The following COLEC10 variants were observed in gnomAD, a reference collection of about 807,000 sequenced individuals.
COLEC10 encodes collectin subfamily member 10, also known as collectin-10.
COLEC10 carries 22 observed loss-of-function variants against 28.4 expected under a neutral mutation model. The ratio of observed to expected loss-of-function variants is 0.78; its 90% CI spans 0.55 to 1.11. COLEC10 has a LOEUF of 1.11. Ranked by LOEUF, COLEC10 falls within the 50% of genes least tolerant of loss-of-function variation. The pLI is 0.00. For synonymous variants in COLEC10, 125 were observed against 116.1 expected (o/e 1.08, Z -0.49); for missense variants, 361 against 344.1 (o/e 1.05, Z -0.39).
intron 1 of COLEC10, among the ~76,000 whole-genome samples, chr8:119,074,176 T>TTAATGGGTACAAAAA (rs1815180432): frequency 6.6e-6 from 1 of 151,902 alleles, no homozygotes; most frequent in Non-Finnish European, 1.5e-5. Flanking sequence ...CTAGAGACAA[T>TTAATGGGTACAAAAA]TAATGGGTAC....
chr8:119,014,753 G>T (rs565855838), intron 2 of COLEC10, among the ~76,000 whole-genome samples: 1 of 150,746 alleles, frequency 6.6e-6, no homozygotes, highest in African/African-American at 2.5e-5. Flanking sequence ...GTTTTTGTTT[G>T]CTTCTTTTTT....
At chr8:118,995,279 C>G (rs892226853), upstream of COLEC10, among the ~76,000 whole-genome samples, 2 of 152,272 alleles carry the variant, frequency 1.3e-5, no homozygotes, top group African/African-American at 4.8e-5. Flanking sequence ...GTTTAGTGGT[C>G]TTTACCAAAA....
At chr8:118,989,534 TACACACACACACACACACACACACAC>T in the COLEC10 span, among the ~76,000 whole-genome samples, 65 of 128,724 alleles carry the variant, frequency 5.0e-4, 2 homozygotes, top group South Asian at 0.015. Context: ...ACAGACAAAA[TACACACACACACACACACACACACAC>T]ACACACACAC....
the COLEC10 span, among the ~76,000 whole-genome samples, chr8:118,972,174 G>A: frequency 6.6e-6 from 1 of 151,904 alleles, no homozygotes; most frequent in Non-Finnish European, 1.5e-5. Context: ...AAAAAGTTAT[G>A]TTGGGCTTGT....
chr8:119,023,863 C>G (rs1371531361), intron 2 of COLEC10, among the ~76,000 whole-genome samples: 1 of 151,942 alleles, frequency 6.6e-6, no homozygotes, highest in African/African-American at 2.4e-5. Context: ...TTTAATGGTG[C>G]AAAAGCACGT....
At chr8:119,020,052 G>A (rs566078322) in intron 2 of COLEC10, among the ~76,000 whole-genome samples, 2 of 152,288 alleles carry the variant, frequency 1.3e-5, no homozygotes, top group African/African-American at 4.8e-5. Flanking sequence ...TGATTTCCCT[G>A]AGCAGGCAGT....
At position 119,105,895 on chromosome 8, in the gene COLEC10, G is replaced by T; in HGVS notation, c.538G>T (p.Gly180Cys). 1 of 1,613,800 alleles carries T rather than the reference G, an allele frequency of 6.2e-7. No individual in the cohort carries two copies. Among genetic ancestry groups the T allele is most frequent in the Non-Finnish European group, 8.5e-7 (1 of 1,179,894 alleles). ...RESLTHCRIR[G>C]GMLAMPKDEA... ...ATCCCTAACCCACTGCAGGATTCGGGGTGGAATGCTAGCCATGCCCAAGGA... is the reference window on the plus strand; with the variant it reads ...ATCCCTAACCCACTGCAGGATTCGGTGTGGAATGCTAGCCATGCCCAAGGA... The change falls in exon 6 of 6, where the codon GGT (glycine) becomes TGT (cysteine). Residue 180 changes from glycine to cysteine, a missense_variant. Physicochemically the swap from Gly to Cys is radical, Grantham distance 159. This residue lies in a region of COLEC10 where 335 missense variants were observed against 308.5 expected (regional missense o/e 1.09). Coordinates refer to ENST00000332843, the MANE Select transcript of COLEC10 (RefSeq NM_006438.5).
intron 2 of COLEC10, among the ~76,000 whole-genome samples, chr8:119,053,101 G>A (rs1017576881): frequency 3.3e-5 from 5 of 152,112 alleles, no homozygotes; most frequent in African/African-American, 1.2e-4. Context: ...TTGATTTGAT[G>A]TGCTCTACAA....
the COLEC10 span, among the ~76,000 whole-genome samples, chr8:118,978,013 T>C: frequency 1.3e-5 from 2 of 151,960 alleles, no homozygotes; most frequent in Admixed American, 6.6e-5. Context: ...TAGAAAGACG[T>C]AAGAACTAGG....
At chr8:118,989,224 T>G in the COLEC10 span, among the ~76,000 whole-genome samples, 1 of 152,126 alleles carries the variant, frequency 6.6e-6, no homozygotes, top group African/African-American at 2.4e-5. Context: ...ATGCCTCTGA[T>G]GGGCTCATTA....
chr8:119,033,377 A>G (rs1814327653), intron 2 of COLEC10, among the ~76,000 whole-genome samples: 2 of 152,168 alleles, frequency 1.3e-5, no homozygotes, highest in South Asian at 4.1e-4. Context: ...CAATGGCAAC[A>G]ACAGCCAAAA....
chr8:118,985,094 A>G, the COLEC10 span, among the ~76,000 whole-genome samples: 1 of 152,070 alleles, frequency 6.6e-6, no homozygotes, highest in African/African-American at 2.4e-5. Flanking sequence ...GAGCCAAACC[A>G]TGTCAGGAGA....
intron 1 of COLEC10, chr8:119,068,503 C>T (rs558673409): frequency 6.6e-6 from 1 of 152,126 alleles, no homozygotes; most frequent in South Asian, 2.1e-4. Flanking sequence ...AAAGTATTTG[C>T]TTAAAACCGT....
intron 2 of COLEC10, among the ~76,000 whole-genome samples, chr8:119,045,590 A>G (rs1243026940): frequency 6.6e-6 from 1 of 152,230 alleles, no homozygotes; most frequent in East Asian, 1.9e-4. Context: ...ACTGATATCT[A>G]GGGAAGGTTG....
At chr8:119,085,231 G>A (rs1815449167) in intron 1 of COLEC10, among the ~76,000 whole-genome samples, 1 of 152,298 alleles carries the variant, frequency 6.6e-6, no homozygotes, top group Admixed American at 6.5e-5. Flanking sequence ...GGCAGGTTGG[G>A]TAGGTGAAGG....
chr8:118,981,857 G>A, the COLEC10 span, among the ~76,000 whole-genome samples: 1 of 152,110 alleles, frequency 6.6e-6, no homozygotes, highest in Admixed American at 6.6e-5. Context: ...GTTCTCTGGT[G>A]AGTTGCGAAG....
At chr8:118,978,708 AG>A in the COLEC10 span, among the ~76,000 whole-genome samples, 1 of 152,052 alleles carries the variant, frequency 6.6e-6, no homozygotes, top group Non-Finnish European at 1.5e-5. Context: ...CTGAGGCAAA[AG>A]GTATGTATTT....
At position 119,015,949 on chromosome 8, in the gene COLEC10, T is replaced by G. The variant is rs536538347; in HGVS notation, n.235+6396T>G. Among the ~76,000 whole-genome samples the G allele has an allele frequency of 4.0e-4, 61 of 152,288 alleles. 2 individuals carry two copies. The South Asian group carries it at 4.1e-3, about 10-fold the overall frequency. ...CCTAGAATATATATTGTGTACCAGG[T>G]AGTGATTGAATCCTCACAACCAACT... On this transcript the variant is annotated intron_variant and non_coding_transcript_variant, in intron 2 of 6. Transcript: ENST00000521788.
At chr8:119,011,342 C>G (rs755925334) in intron 2 of COLEC10, among the ~76,000 whole-genome samples, 1 of 150,886 alleles carries the variant, frequency 6.6e-6, no homozygotes, top group Non-Finnish European at 1.5e-5. Flanking sequence ...ATCTATTTGT[C>G]TATTCTTTTG....
Sources: gnomAD v4.1 joint callset for allele counts (sites outside exome capture counted in the v4.1 genomes callset) on GRCh38, gnomAD v4.1.1 for gene constraint, gnomAD v4.1.1 regional missense constraint, MANE v1.5 for transcripts, NCBI Gene and HGNC (gene_info 2026-07-23, HGNC 2026-07-21) for gene names.